The following GTF2E2 variants were observed in gnomAD, a reference collection of about 807,000 sequenced individuals.
The protein encoded by GTF2E2 is general transcription factor IIE subunit 2.
A neutral mutation model predicts 40.5 loss-of-function variants in GTF2E2; 21 were observed. The ratio of observed to expected loss-of-function variants is 0.52; its 90% CI spans 0.37 to 0.75. GTF2E2 has a LOEUF of 0.75. Ranked by LOEUF, GTF2E2 falls within the 30% of genes least tolerant of loss-of-function variation. The probability of loss-of-function intolerance (pLI) is 0.00; values close to 1 mark genes in which losing one functional copy is unlikely to be tolerated. For synonymous variants in GTF2E2, 117 were observed against 121.6 expected (o/e 0.96, Z 0.25); for missense variants, 298 against 338.4 (o/e 0.88, Z 0.94).
chr8:30,584,464 G>A (rs1373958399), intron 6 of GTF2E2: 2 of 152,144 alleles, frequency 1.3e-5, no homozygotes, highest in Non-Finnish European at 2.9e-5. Context: ...AGACAGCCAA[G>A]TATCATGAAA....
rs1164030994 is a variant in GTF2E2, at chr8:30,653,456, G to A, written c.143C>T (p.Ser48Leu). Residue 48 changes from serine to leucine, a missense_variant, in exon 2 of 8, where the codon TCG (serine) becomes TTG (leucine). Ser to Leu is a moderately radical substitution (Grantham distance 145, BLOSUM62 -2). Transcript: ENST00000355904. ...KKKTKVEHGG[S>L]SGSKQNSDHS... ...ACCAGAATTTTGTTTAGAGCCTGAC[G>A]ATCCTCCATGTTCTACCTTTGTTTT... is the stretch of plus-strand genomic sequence containing the variant. 6.8e-6 allele frequency: 11 copies of A among 1,613,370 alleles called. No individual in the cohort carries two copies. The highest frequency in any genetic ancestry group is 1.1e-5 in the South Asian group (1 of 90,976).
chr8:30,604,810 G>A (rs981563604), intron 6 of GTF2E2, among the ~76,000 whole-genome samples: 8 of 152,086 alleles, frequency 5.3e-5, no homozygotes, highest in African/African-American at 1.7e-4. Flanking sequence ...ACCCCTATAA[G>A]CTATGCAATA....
Position 30,635,072 on chromosome 8 carries a change from T to C in GTF2E2, c.218A>G (p.Tyr73Cys), listed in dbSNP as rs202060134. 9 of 1,608,632 alleles carry C rather than the reference T, an allele frequency of 5.6e-6. No individual in the cohort carries two copies. The highest frequency in any genetic ancestry group is 2.2e-5 in the East Asian group (1 of 44,732). The part of the protein sequence containing the change: ...NLKALSGSSG[Y>C]KFGVLAKIVN... ...AATCTTAGCAAGAACACCAAACTTATATCCAGAGCTTCCTGACAAAGCTTT... is the reference window on the plus strand; with the variant it reads ...AATCTTAGCAAGAACACCAAACTTACATCCAGAGCTTCCTGACAAAGCTTT... The change falls in exon 3 of 8, where the codon TAT becomes TGT. Residue 73 changes from tyrosine (Y) to cysteine (C), a missense_variant. Coordinates refer to ENST00000355904, the MANE Select transcript of GTF2E2 (RefSeq NM_002095.6).
At chr8:30,585,610 T>C (rs1828658862) in intron 6 of GTF2E2, among the ~76,000 whole-genome samples, 1 of 152,014 alleles carries the variant, frequency 6.6e-6, no homozygotes, top group South Asian at 2.1e-4. Flanking sequence ...TTATTAATAA[T>C]ATGCAGAAAT....
In GTF2E2 at chr8:30,590,695, T is replaced by TG. The variant is rs200927222; in HGVS notation, c.644-10300_644-10299insC. On this transcript the variant is annotated intron_variant, in intron 6 of 7. Transcript: ENST00000355904. ...AAAGGACTTGATTGAAATCAAAAACTTTTTTTTTTTTTTGAGACAGAGTTG... is the reference window on the plus strand; with the variant it reads ...AAAGGACTTGATTGAAATCAAAAACTGTTTTTTTTTTTTTGAGACAGAGTTG... 8.7e-3 allele frequency among the ~76,000 whole-genome samples: 1,204 copies of TG among 138,092 alleles called. 10 individuals carry two copies. The highest frequency in any genetic ancestry group is 0.03 in the African/African-American group (1,063 of 35,450). The allele number at this position is 138,092 out of a possible 152,430, so 90.6% of individuals were successfully genotyped here. A position where few individuals can be genotyped will look rare whatever the true frequency, so the allele number is the denominator to read the frequency against.
At chr8:30,609,609 T>C (rs1039841960) in intron 5 of GTF2E2, among the ~76,000 whole-genome samples, 8 of 152,176 alleles carry the variant, frequency 5.3e-5, no homozygotes, top group Non-Finnish European at 1.0e-4. Flanking sequence ...AAAATCCCAA[T>C]GGCATTTTTT....
At chr8:30,640,393 C>CA (rs1801771808) in intron 2 of GTF2E2, among the ~76,000 whole-genome samples, 2 of 152,072 alleles carry the variant, frequency 1.3e-5, no homozygotes, top group South Asian at 4.2e-4. Flanking sequence ...GTAAACATAT[C>CA]AAATGGGAGT....
Position 30,612,376 on chromosome 8 carries a change from G to A in GTF2E2, c.472C>T (p.His158Tyr), listed in dbSNP as rs755060053. The change falls in exon 5 of 8, where the codon CAT (histidine) becomes TAT (tyrosine). Residue 158 changes from histidine (H) to tyrosine (Y), a missense_variant. Physicochemically the swap from His to Tyr is moderately conservative, Grantham distance 83 (BLOSUM62 2). Coordinates refer to ENST00000355904, the MANE Select transcript of GTF2E2 (RefSeq NM_002095.6). ...ATTCCTCCTAATCCTCGCTGGTCATGCTGATCTAAGAGCCTAAGTAGGGCC... is the reference window on the plus strand; with the variant it reads ...ATTCCTCCTAATCCTCGCTGGTCATACTGATCTAAGAGCCTAAGTAGGGCC... ...KKALLRLLDQ[H>Y]DQRGLGGILL... The A allele has an allele frequency of 6.2e-7, 1 of 1,612,308 alleles. No individual in the cohort carries two copies. Among genetic ancestry groups the A allele is most frequent in the Admixed American group, 1.7e-5 (1 of 60,014 alleles).
chr8:30,595,188 A>G (rs577475986), intron 6 of GTF2E2, among the ~76,000 whole-genome samples: 58 of 152,288 alleles, frequency 3.8e-4, no homozygotes, highest in Middle Eastern at 3.4e-3. Context: ...AAGTCATAGC[A>G]TTTCATATGT....
chr8:30,586,674 G>A (rs1468425100), intron 6 of GTF2E2, among the ~76,000 whole-genome samples: 1 of 152,120 alleles, frequency 6.6e-6, no homozygotes, highest in South Asian at 2.1e-4. Context: ...GCATGGGACT[G>A]GCATAAACAA....
chr8:30,620,223 C>T (rs796696153), intron 3 of GTF2E2, among the ~76,000 whole-genome samples: 8 of 125,146 alleles, frequency 6.4e-5, no homozygotes, highest in South Asian at 2.9e-4. Flanking sequence ...CAATAGGAAA[C>T]TTATACACAC....
chr8:30,601,018 TG>T, intron 6 of GTF2E2, among the ~76,000 whole-genome samples: 1 of 152,250 alleles, frequency 6.6e-6, no homozygotes, highest in Non-Finnish European at 1.5e-5. Flanking sequence ...GGGTCTTCCC[TG>T]GAAACACACA....
intron 6 of GTF2E2, among the ~76,000 whole-genome samples, chr8:30,592,452 C>G (rs937661432): frequency 1.1e-4 from 17 of 152,214 alleles, no homozygotes; most frequent in African/African-American, 2.4e-5. Flanking sequence ...GATTTCTAGC[C>G]TAATTCCATT....
chr8:30,605,207 A>G (rs765197035), intron 6 of GTF2E2, among the ~76,000 whole-genome samples: 28 of 152,258 alleles, frequency 1.8e-4, no homozygotes, highest in Non-Finnish European at 3.2e-4. Context: ...ACTTAACACT[A>G]AAATTCCCAC....
intron 3 of GTF2E2, among the ~76,000 whole-genome samples, chr8:30,634,232 G>C (rs941797862): frequency 6.6e-6 from 1 of 152,170 alleles, no homozygotes; most frequent in Non-Finnish European, 1.5e-5. Context: ...AAAATCACAT[G>C]AGCTTAGGAG....
Position 30,612,499 on chromosome 8 carries a change from T to C in GTF2E2, c.367-18A>G, listed in dbSNP as rs375145263. ...ACTAAAGCCTGTAACAGTGATACAA[T>C]TGGAATATATTAACAAATGGAACAT... On this transcript the variant is annotated intron_variant, in intron 4 of 7. Transcript: ENST00000355904. 2.3e-5 allele frequency: 32 copies of C among 1,416,556 alleles called. No homozygotes were observed. The highest frequency in any genetic ancestry group is 4.6e-5 in the East Asian group (2 of 43,930). 87.7% of individuals were successfully genotyped at this position (1,416,556 alleles called of 1,614,324 possible). A position where few individuals can be genotyped will look rare whatever the true frequency, so the allele number is the denominator to read the frequency against.
intron 1 of GTF2E2, among the ~76,000 whole-genome samples, chr8:30,654,919 G>A (rs890437421): frequency 1.3e-5 from 2 of 152,318 alleles, no homozygotes; most frequent in Admixed American, 1.3e-4. Context: ...GTGATGAAGA[G>A]GCTGAATTAT....
chr8:30,648,084 C>T (rs1802156455), intron 2 of GTF2E2, among the ~76,000 whole-genome samples: 1 of 152,054 alleles, frequency 6.6e-6, no homozygotes, highest in Non-Finnish European at 1.5e-5. Context: ...TAAGCTGAAA[C>T]TTAAAAGAAC....
At chr8:30,615,658 C>A (rs1282795695) in intron 3 of GTF2E2, among the ~76,000 whole-genome samples, 3 of 152,118 alleles carry the variant, frequency 2.0e-5, no homozygotes. Flanking sequence ...CACACACACA[C>A]ACGTAGATAC....
Sources: allele counts gnomAD v4.1 joint callset (sites outside exome capture counted in the v4.1 genomes callset), GRCh38; gene constraint gnomAD v4.1.1; transcripts MANE v1.5; gene names NCBI Gene and HGNC (gene_info 2026-07-23, HGNC 2026-07-21).